The following BLTP2 variants were observed in gnomAD, a reference collection of about 807,000 sequenced individuals.
BLTP2 encodes U937-associated antigen.
the BLTP2 span, among the ~76,000 whole-genome samples, chr17:28,618,223 G>A: frequency 6.6e-6 from 1 of 151,724 alleles, no homozygotes; most frequent in East Asian, 1.9e-4. Context: ...GTGAGCCACC[G>A]TGCCCGGCCT....
chr17:28,617,371 T>TA, the BLTP2 span: 1 of 1,344,592 alleles, frequency 7.4e-7, no homozygotes, highest in Admixed American at 1.8e-5. Context: ...CTCAGAAGTC[T>TA]ACTAGACAAT....
At chr17:28,642,409 T>A in the BLTP2 span, 1 of 1,235,378 alleles carries the variant, frequency 8.1e-7, no homozygotes, top group Non-Finnish European at 1.2e-6. Context: ...CCCAGCACTT[T>A]GGGAGGCCAA....
At chr17:28,633,781 G>T in the BLTP2 span, 1 of 1,606,144 alleles carries the variant, frequency 6.2e-7, no homozygotes. Context: ...GCTATAACTT[G>T]TTCACAACAT....
chr17:28,639,834 G>C, the BLTP2 span: 1 of 1,580,564 alleles, frequency 6.3e-7, no homozygotes, highest in East Asian at 2.2e-5. Context: ...AGACCATATG[G>C]GGCATGAGCA....
At chr17:28,637,757 T>C in the BLTP2 span, 19 of 1,449,448 alleles carry the variant, frequency 1.3e-5, no homozygotes, top group African/African-American at 1.1e-4. Context: ...CTGCAAACTC[T>C]GCCTCCTGGG....
At chr17:28,643,057 G>C in the BLTP2 span, 1 of 1,531,134 alleles carries the variant, frequency 6.5e-7, no homozygotes, top group Non-Finnish European at 9.0e-7. Flanking sequence ...AGATGAGAAA[G>C]AGGGGCAGCT....
the BLTP2 span, among the ~76,000 whole-genome samples, chr17:28,644,788 A>G: frequency 5.9e-5 from 9 of 151,396 alleles, no homozygotes; most frequent in Admixed American, 4.6e-4. Context: ...AGTCTCCCCA[A>G]CTCGCAGCCC....
the BLTP2 span, chr17:28,624,538 C>A: frequency 3.3e-6 from 2 of 607,942 alleles, no homozygotes; most frequent in Non-Finnish European, 5.4e-6. Flanking sequence ...CTAGCCCAGC[C>A]CATCCCTTGA....
At chr17:28,641,568 A>C in the BLTP2 span, among the ~76,000 whole-genome samples, 2 of 151,814 alleles carry the variant, frequency 1.3e-5, no homozygotes, top group African/African-American at 2.4e-5. Context: ...TGAACCCAGA[A>C]GGTTAAAGGT....
chr17:28,637,021 C>T, the BLTP2 span: 1 of 1,614,084 alleles, frequency 6.2e-7, no homozygotes, highest in Non-Finnish European at 8.5e-7. Flanking sequence ...AGGCTGAGCA[C>T]TGGGGTAGGG....
the BLTP2 span, chr17:28,616,966 C>T: frequency 6.2e-7 from 1 of 1,613,906 alleles, no homozygotes; most frequent in Non-Finnish European, 8.5e-7. The surrounding 1 kb of genome is among the most constrained non-coding windows in gnomAD (Gnocchi z 4.8). Context: ...AGCTGTCGCC[C>T]AGACTGGCAG....
the BLTP2 span, among the ~76,000 whole-genome samples, chr17:28,627,491 C>T: frequency 6.6e-6 from 1 of 151,922 alleles, no homozygotes; most frequent in Non-Finnish European, 1.5e-5. Context: ...ACTGCAAGCT[C>T]TGCCTCCCAG....
chr17:28,628,926 G>A, the BLTP2 span, among the ~76,000 whole-genome samples: 2 of 149,814 alleles, frequency 1.3e-5, no homozygotes, highest in Non-Finnish European at 3.0e-5. Context: ...AGAGAGAGAC[G>A]CAGTCTCAAA....
chr17:28,624,256 G>A, the BLTP2 span: 1 of 1,614,154 alleles, frequency 6.2e-7, no homozygotes. Flanking sequence ...AATTCAATAA[G>A]GCAGTTTCGG....
the BLTP2 span, chr17:28,621,060 G>C: frequency 6.2e-7 from 1 of 1,614,166 alleles, no homozygotes; most frequent in Non-Finnish European, 8.5e-7. Flanking sequence ...TGAGTTGCTA[G>C]TTCAGGATCA....
At chr17:28,632,907 C>T in the BLTP2 span, 2 of 1,465,764 alleles carry the variant, frequency 1.4e-6, no homozygotes, top group Non-Finnish European at 1.8e-6. Context: ...TCCTCCCAAG[C>T]CCTTCCTCCC....
the BLTP2 span, chr17:28,623,805 A>G: frequency 6.8e-6 from 11 of 1,614,092 alleles, no homozygotes; most frequent in Non-Finnish European, 1.7e-6. Flanking sequence ...GGCTGCTTTC[A>G]GTGGTGGCAA....
chr17:28,619,605 GCCTCTA>G, the BLTP2 span: 1 of 1,610,280 alleles, frequency 6.2e-7, no homozygotes, highest in Non-Finnish European at 8.5e-7. Context: ...AAAGAGAACT[GCCTCTA>G]GCTGGGGCAC....
chr17:28,639,315 CT>C, the BLTP2 span: 1 of 1,614,012 alleles, frequency 6.2e-7, no homozygotes, highest in Admixed American at 1.7e-5. Context: ...TCAGACTGAC[CT>C]TTTTTTCCTT....
Sources: gnomAD v4.1 joint callset for allele counts (sites outside exome capture counted in the v4.1 genomes callset) on GRCh38, gnomAD v4.1.1 for gene constraint, Gnocchi (gnomAD v3.1) non-coding constraint, MANE v1.5 for transcripts, NCBI Gene and HGNC (gene_info 2026-07-23, HGNC 2026-07-21) for gene names.